KDM1A: variants seen among roughly 807,000 people sequenced by gnomAD.
KDM1A encodes lysine-specific histone demethylase 1A.
KDM1A carries 49 observed loss-of-function variants against 109.4 expected under a neutral mutation model. That is an observed-to-expected ratio of 0.45 (90% CI 0.36 to 0.57). The LOEUF (loss-of-function observed/expected upper bound fraction) is 0.57. Among genes scored for constraint, KDM1A ranks in the 20% least tolerant of loss-of-function variants. The pLI is 0.00. For missense variants in KDM1A, 668 were observed against 1,116.6 expected (o/e 0.60, Z 5.73); for synonymous variants, 380 against 415.4 (o/e 0.91, Z 1.04).
rs553238485 is a variant in KDM1A, at chr1:23,051,534, CT to C, written c.711+1015del. 3.3e-5 allele frequency among the ~76,000 whole-genome samples: 5 copies of C among 152,252 alleles called. No individual in the cohort carries two copies. The South Asian group carries it at 6.2e-4, about 19-fold the overall frequency. On this transcript the variant is annotated intron_variant, in intron 4 of 20. Coordinates refer to ENST00000400181, the MANE Select transcript of KDM1A (RefSeq NM_001009999.3). The stretch of plus-strand genomic sequence containing the variant: ...TGCTCCTATAATTGGCCAAAACCAT[CT>C]CAGTTCTTTTTCATTTCTTGGATTA...
chr1:23,071,107 G>A (rs1421562415), intron 12 of KDM1A, 118 bp from the exon 13 acceptor site: 5 of 732,004 alleles, frequency 6.8e-6, no homozygotes, highest in East Asian at 2.6e-5. Flanking sequence ...TCAGGACCTT[G>A]CATTGTAGCC....
chr1:23,073,131 G>A, intron 14 of KDM1A, 161 bp from the exon 15 acceptor site: 1 of 527,862 alleles, frequency 1.9e-6, no homozygotes, highest in East Asian at 2.9e-5. Flanking sequence ...GAGATAAAGA[G>A]GTTAATAAGA....
chr1:23,040,055 CAGT>C (rs2124412714), intron 2 of KDM1A, among the ~76,000 whole-genome samples: 1 of 152,296 alleles, frequency 6.6e-6, no homozygotes, highest in African/African-American at 2.4e-5. Flanking sequence ...CAATTGAAAT[CAGT>C]AGGTTGGCCT....
intron 2 of KDM1A, among the ~76,000 whole-genome samples, chr1:23,035,351 C>T (rs1386830607): frequency 2.6e-5 from 4 of 152,058 alleles, no homozygotes; most frequent in Non-Finnish European, 1.5e-5. Flanking sequence ...TACAGGCATG[C>T]GCCACTACTC....
At chr1:23,028,861 A>C (rs931673898) in intron 1 of KDM1A, among the ~76,000 whole-genome samples, 2 of 152,140 alleles carry the variant, frequency 1.3e-5, no homozygotes, top group Admixed American at 1.3e-4. Flanking sequence ...AGGATCATTT[A>C]ATTGCAACTA....
chr1:23,020,632 C>T (rs1413974), intron 1 of KDM1A: 56,487 of 151,994 alleles, frequency 0.37, 12,988 homozygotes, highest in East Asian at 0.54. Flanking sequence ...TATATACAGA[C>T]AGTGACTGCC....
At chr1:23,056,197 CT>C (rs1055943761) in intron 7 of KDM1A, among the ~76,000 whole-genome samples, 159 bp downstream of exon 7, 23 of 145,472 alleles carry the variant, frequency 1.6e-4, no homozygotes, top group Admixed American at 2.7e-4. Flanking sequence ...TTTTAAAAAG[CT>C]TTTTTTTTTA....
chr1:23,026,387 T>C (rs1382964119), intron 1 of KDM1A, among the ~76,000 whole-genome samples: 1 of 51,136 alleles, frequency 2.0e-5, no homozygotes, highest in East Asian at 6.1e-4. Context: ...TTTTTGTTTG[T>C]CTGTTTGTTT....
intron 1 of KDM1A, among the ~76,000 whole-genome samples, chr1:23,026,394 G>T (rs1187787058): frequency 9.7e-5 from 6 of 61,568 alleles, no homozygotes; most frequent in African/African-American, 2.2e-4. Flanking sequence ...TTGTCTGTTT[G>T]TTTTTTTTTT....
chr1:23,082,968 G>C (rs1472251094), intron 20 of KDM1A: 2 of 519,484 alleles, frequency 3.8e-6, no homozygotes, highest in Non-Finnish European at 7.0e-6. Context: ...CTTTAGGACT[G>C]AGCCTAGGTA....
intron 3 of KDM1A, among the ~76,000 whole-genome samples, chr1:23,049,443 G>A (rs1205143638): frequency 6.6e-6 from 1 of 151,770 alleles, no homozygotes; most frequent in East Asian, 1.9e-4. Context: ...ATGTTTTTTG[G>A]GAGGTTGAGG....
chr1:23,081,664 T>C, intron 19 of KDM1A, 91 bp downstream of exon 19: 1 of 1,439,978 alleles, frequency 6.9e-7, no homozygotes, highest in Non-Finnish European at 9.5e-7. Flanking sequence ...CAGGACAGTT[T>C]AAGCTAGAAT....
intron 2 of KDM1A, among the ~76,000 whole-genome samples, chr1:23,039,825 A>G (rs558238603): frequency 6.6e-6 from 1 of 152,348 alleles, no homozygotes; most frequent in Admixed American, 6.5e-5. Context: ...GTTTCCTTGT[A>G]GGTATTTTTC....
At chr1:23,027,292 G>T (rs185953333) in intron 1 of KDM1A, among the ~76,000 whole-genome samples, 3 of 152,036 alleles carry the variant, frequency 2.0e-5, no homozygotes, top group African/African-American at 7.2e-5. Context: ...TTCCCCCAGC[G>T]ACTAGACCAC....
Position 23,051,120 on chromosome 1 carries a change from A to G in KDM1A, c.711+600A>G, listed in dbSNP as rs557892436. ...AACAAAAACCTTTAAGCATTAAAAA[A>G]TAATAATAATAATCACTTTGTCCTT... On this transcript the variant is annotated intron_variant, in intron 4 of 20. Transcript: ENST00000400181. 3.9e-5 allele frequency among the ~76,000 whole-genome samples: 6 copies of G among 152,278 alleles called. No homozygotes were observed. In the South Asian group the frequency reaches 1.2e-3, roughly 32 times the overall value.
At chr1:23,069,230 G>T in intron 12 of KDM1A, 79 bp downstream of exon 12, 2 of 874,212 alleles carry the variant, frequency 2.3e-6, no homozygotes, top group Non-Finnish European at 1.8e-6. Flanking sequence ...AAGCATTTCC[G>T]AGATTTTTTC....
intron 1 of KDM1A, among the ~76,000 whole-genome samples, chr1:23,020,719 G>A (rs1452102430): frequency 1.3e-5 from 2 of 152,082 alleles, no homozygotes; most frequent in Non-Finnish European, 2.9e-5. Flanking sequence ...AAATATCAAC[G>A]GGCAGGTATT....
intron 12 of KDM1A, among the ~76,000 whole-genome samples, chr1:23,070,726 T>C (rs1166927325): frequency 6.6e-6 from 1 of 151,586 alleles, no homozygotes; most frequent in Non-Finnish European, 1.5e-5. Context: ...GAGAATGGCG[T>C]GAACCCAGGA....
intron 2 of KDM1A, among the ~76,000 whole-genome samples, chr1:23,039,966 C>T (rs963823959): frequency 7.9e-5 from 12 of 152,148 alleles, no homozygotes; most frequent in Admixed American, 1.3e-4. Context: ...TCAATTAGTG[C>T]GTTAATACGG....
Sources: allele counts gnomAD v4.1 joint callset (sites outside exome capture counted in the v4.1 genomes callset), GRCh38; gene constraint gnomAD v4.1.1; transcripts MANE v1.5; gene names NCBI Gene and HGNC (gene_info 2026-07-23, HGNC 2026-07-21).